The following SYNE1 variants were observed in gnomAD, a reference collection of about 807,000 sequenced individuals.
The protein encoded by SYNE1 is nesprin-1.
SYNE1 carries 616 observed loss-of-function variants against 1,111.0 expected under a neutral mutation model. That is an observed-to-expected ratio of 0.55 (90% CI 0.52 to 0.59). The LOEUF (loss-of-function observed/expected upper bound fraction) is 0.59. SYNE1 is among the 20% of genes least tolerant of loss of function. The pLI is 0.00. For missense variants in SYNE1, 10,006 were observed against 10,417.0 expected, an observed-to-expected ratio of 0.96 and a Z score of 1.72; for synonymous variants, 3,855 against 3,825.8, an observed-to-expected ratio of 1.01 and a Z score of -0.28.
In SYNE1 at chr6:152,553,311, A is replaced by G. The variant is rs965239931; in HGVS notation, c.68-13290T>C. ...ATTGGGGTTTCCAGAATAACTTTAC[A>G]TATCACAACCTATCTGGAGATAGGC... On this transcript the variant is annotated intron_variant, in intron 3 of 145. Transcript: ENST00000367255. Among the ~76,000 whole-genome samples, 11 of 152,182 alleles carry G rather than the reference A, an allele frequency of 7.2e-5. No individual in the cohort carries two copies. In the South Asian group the frequency reaches 1.7e-3, roughly 23 times the overall value.
intron 28 of SYNE1, among the ~76,000 whole-genome samples, chr6:152,448,788 G>T (rs1029446797): frequency 6.6e-6 from 1 of 152,134 alleles, no homozygotes; most frequent in Admixed American, 6.5e-5. Context: ...GCTGAAGTGA[G>T]CTATGAAGGT....
In SYNE1 at chr6:152,324,759, C is replaced by T. The variant is rs191405143; in HGVS notation, c.15657+325G>A. Among the ~76,000 whole-genome samples the T allele has an allele frequency of 9.3e-3, 1,414 of 152,216 alleles. 23 individuals carry two copies. The highest frequency in any genetic ancestry group is 0.032 in the African/African-American group (1,312 of 41,540). ...GAGCTTGCAGTGAGCCGAGATGGCG[C>T]CACTGCACTCCAGCCTGGGCGACAG... On this transcript the variant is annotated intron_variant, in intron 81 of 145. Coordinates refer to ENST00000367255, the MANE Select transcript of SYNE1 (RefSeq NM_182961.4).
intron 63 of SYNE1, among the ~76,000 whole-genome samples, chr6:152,363,178 G>A (rs1442375167): frequency 1.4e-5 from 2 of 142,072 alleles, no homozygotes; most frequent in Admixed American, 1.4e-4. Flanking sequence ...ACCACACCCG[G>A]CCTACACATG....
chr6:152,390,447 A>T lies in SYNE1; in HGVS notation c.8010T>A (p.Ile2670=). 1 of 1,614,068 alleles carries T rather than the reference A, an allele frequency of 6.2e-7. No homozygotes were observed. The highest frequency in any genetic ancestry group is 1.1e-5 in the South Asian group (1 of 91,080). Residue 2670 remains isoleucine, a synonymous_variant, in exon 53 of 146, where the codon ATT becomes ATA. Transcript: ENST00000367255. Reference sequence around the variant, plus strand: ...CTTCCCCTTCACCTTTCATCAGGAGAATATCCTGGGAAGGAAGAAAGAATA... The same window carrying T: ...CTTCCCCTTCACCTTTCATCAGGAGTATATCCTGGGAAGGAAGAAAGAATA... The part of the protein sequence containing the change: ...LEKRLSQIQD[I]LLMKGEGEVK...
chr6:152,555,409 A>T (rs780557499), intron 3 of SYNE1, among the ~76,000 whole-genome samples: 18 of 152,206 alleles, frequency 1.2e-4, no homozygotes, highest in Non-Finnish European at 2.4e-4. Context: ...TACAGTGTTC[A>T]GTACAGTAAA....
chr6:152,360,038 A>G (rs1428979324), intron 64 of SYNE1, among the ~76,000 whole-genome samples: 2 of 152,218 alleles, frequency 1.3e-5, no homozygotes, highest in Non-Finnish European at 2.9e-5. Context: ...GTGGTATCCC[A>G]GGCAGATTCC....
intron 78 of SYNE1, among the ~76,000 whole-genome samples, chr6:152,328,372 T>C (rs1157665860): frequency 8.6e-6 from 1 of 116,824 alleles, no homozygotes; most frequent in Non-Finnish European, 1.7e-5. Context: ...TTTTCTCTTC[T>C]TATTTTATTT....
intron 3 of SYNE1, among the ~76,000 whole-genome samples, chr6:152,617,392 CCACT>C (rs1205280475): frequency 6.6e-6 from 1 of 152,140 alleles, no homozygotes; most frequent in Non-Finnish European, 1.5e-5. Context: ...ATAGTATCTA[CCACT>C]CAGTTTTTAA....
chr6:152,218,850 G>A (rs1035624198), intron 120 of SYNE1, among the ~76,000 whole-genome samples, 153 bp downstream of exon 120: 1 of 152,036 alleles, frequency 6.6e-6, no homozygotes, highest in African/African-American at 2.4e-5. Flanking sequence ...CACCTTCATC[G>A]TCCCCACCAG....
intron 55 of SYNE1, among the ~76,000 whole-genome samples, chr6:152,382,610 T>G (rs537954096): frequency 2.9e-4 from 42 of 145,066 alleles, no homozygotes; most frequent in African/African-American, 1.2e-3. Flanking sequence ...AGCAGCAGGA[T>G]TCTAAAAACC....
intron 98 of SYNE1, among the ~76,000 whole-genome samples, chr6:152,276,079 A>C (rs1272484833): frequency 1.4e-5 from 2 of 140,774 alleles, no homozygotes; most frequent in Admixed American, 7.6e-5. Flanking sequence ...CTGTTGCCCA[A>C]GCTAGAGCAC....
chr6:152,632,519 T>C (rs989514753), intron 2 of SYNE1, among the ~76,000 whole-genome samples: 3 of 152,168 alleles, frequency 2.0e-5, no homozygotes, highest in Non-Finnish European at 4.4e-5. Context: ...GAAATATCAG[T>C]TCTAGGCTAA....
rs1244388331 is a variant in SYNE1, at chr6:152,354,912, T to C, written c.10673A>G (p.Asp3558Gly). Residue 3558 changes from aspartate to glycine, a missense_variant, in exon 67 of 146, where the codon GAT (aspartate) becomes GGT (glycine). By Grantham distance (94) the Asp-to-Gly change is moderately conservative. Coordinates refer to ENST00000367255, the MANE Select transcript of SYNE1 (RefSeq NM_182961.4). ...CTGTGGGATACCTGATGGGATCACATCCTCTCTGGTGTGCAGCACTGAGTT... is the reference window on the plus strand; with the variant it reads ...CTGTGGGATACCTGATGGGATCACACCCTCTCTGGTGTGCAGCACTGAGTT... ...LLNSVLHTREDVIPSGIPQAE... is the reference protein window; with the variant it reads ...LLNSVLHTREGVIPSGIPQAE... The C allele has an allele frequency of 6.2e-7, 1 of 1,613,998 alleles. No homozygotes were observed. The highest frequency in any genetic ancestry group is 8.5e-7 in the Non-Finnish European group (1 of 1,180,022).
rs953446162 is a variant in SYNE1, at chr6:152,141,321, C to A, written c.25128G>T (p.Leu8376=). The change falls in exon 139 of 146, where the codon CTG becomes CTT. Residue 8376 remains leucine (L), a synonymous_variant. Transcript: ENST00000367255. ...CTATACTGCTACTGCATTCGCCCAG[C>A]AGTTTCATCTGTTTAGACATAAACA... The part of the protein sequence containing the change: ...LDTSYKGYMK[L]LGECSSSIDS... 1.6e-5 allele frequency: 26 copies of A among 1,614,064 alleles called. No individual in the cohort carries two copies. Among genetic ancestry groups the A allele is most frequent in the Non-Finnish European group, 2.0e-5 (24 of 1,180,008 alleles).
rs2097738437 is a variant in SYNE1 at position 152,396,812 on chromosome 6, T to G, written c.7519A>C (p.Lys2507Gln). The G allele has an allele frequency of 6.2e-7, 1 of 1,614,092 alleles. No homozygotes were observed. The highest frequency in any genetic ancestry group is 1.3e-5 in the African/African-American group (1 of 74,950). Residue 2507 changes from lysine (K) to glutamine (Q), a missense_variant, in exon 50 of 146, where the codon AAG becomes CAG. By Grantham distance (53) the Lys-to-Gln change is moderately conservative (BLOSUM62 1). Around this residue, in one of 7 missense-constraint regions of SYNE1, gnomAD observed 4,955 missense variants for 5,017.2 expected, o/e 0.99. Transcript: ENST00000367255. ...QAFLKQCLKD[K>Q]QALQDCASEL... ...GAAGCACAGTCTTGAAGAGCCTGCT[T>G]ATCTTTAAGGCATTGTTTCAGAAAT...
At chr6:152,182,222 T>C (rs1348764749) in intron 128 of SYNE1, among the ~76,000 whole-genome samples, 2 of 152,210 alleles carry the variant, frequency 1.3e-5, no homozygotes, top group Non-Finnish European at 1.5e-5. Context: ...TTTCAAAATA[T>C]AATACTCTTG....
chr6:152,209,445 A>C (rs1191848499), intron 124 of SYNE1, among the ~76,000 whole-genome samples: 2 of 152,120 alleles, frequency 1.3e-5, no homozygotes, highest in African/African-American at 4.8e-5. Flanking sequence ...ATGCCCTCTC[A>C]TCTTAAAAAT....
intron 100 of SYNE1, among the ~76,000 whole-genome samples, chr6:152,262,401 C>T (rs1481262674): frequency 6.6e-6 from 1 of 152,096 alleles, no homozygotes; most frequent in African/African-American, 2.4e-5. Context: ...AGAAGGGATA[C>T]TTAAAAATGC....
In SYNE1 at chr6:152,510,320, C is replaced by A. The variant is rs750659947; in HGVS notation, c.454G>T (p.Ala152Ser). 1 of 1,613,858 alleles carries A rather than the reference C, an allele frequency of 6.2e-7. No individual in the cohort carries two copies. The highest frequency in any genetic ancestry group is 8.5e-7 in the Non-Finnish European group (1 of 1,179,938). The change falls in exon 8 of 146, where the codon GCA becomes TCA. Residue 152 changes from alanine (A) to serine (S), a missense_variant. Ala to Ser is a moderately conservative substitution (Grantham distance 99). Around this residue, in one of 7 missense-constraint regions of SYNE1, gnomAD observed 1,971 missense variants for 2,084.1 expected, o/e 0.95. Transcript: ENST00000367255. Reference sequence around the variant, plus strand: ...CTAACTATGCTGTCCACGGAGGATGCGCTGCTGGACAAAGACTGGAGCTGG... The same window carrying A: ...CTAACTATGCTGTCCACGGAGGATGAGCTGCTGGACAAAGACTGGAGCTGG... ...LPQLQSLSSS[A>S]SSVDSIVSSE...
Sources: gnomAD v4.1 joint callset for allele counts (sites outside exome capture counted in the v4.1 genomes callset) on GRCh38, gnomAD v4.1.1 for gene constraint, gnomAD v4.1.1 regional missense constraint, MANE v1.5 for transcripts, NCBI Gene and HGNC (gene_info 2026-07-23, HGNC 2026-07-21) for gene names.